CLEC6A: variants seen among roughly 807,000 people sequenced by gnomAD.
CLEC6A encodes the protein C-type lectin domain family 6 member A.
CLEC6A carries 22 observed loss-of-function variants against 25.7 expected under a neutral mutation model. That is an observed-to-expected ratio of 0.85 (90% CI 0.61 to 1.22). The LOEUF (loss-of-function observed/expected upper bound fraction) is 1.22. Among genes scored for constraint, CLEC6A ranks in the 50% most tolerant of loss-of-function variants. The pLI is 0.00. For missense variants in CLEC6A, 240 were observed against 236.8 expected (o/e 1.01, Z -0.09); for synonymous variants, 92 against 76.7 (o/e 1.20, Z -1.04).
intron 4 of CLEC6A, among the ~76,000 whole-genome samples, chr12:8,472,128 A>G (rs574261337): frequency 4.3e-4 from 65 of 152,264 alleles, no homozygotes; most frequent in Non-Finnish European, 8.4e-4. Context: ...ACCTTCACCA[A>G]TCAGCCTGGG....
chr12:8,471,416 G>C (rs765130103), intron 4 of CLEC6A, among the ~76,000 whole-genome samples: 1 of 151,874 alleles, frequency 6.6e-6, no homozygotes, highest in African/African-American at 2.4e-5. Flanking sequence ...TCTGATTCTG[G>C]GCTTTTTTTT....
chr12:8,456,172 TG>T (rs1565480697), intron 1 of CLEC6A, 30 bp downstream of exon 1: 1 of 1,607,414 alleles, frequency 6.2e-7, no homozygotes, highest in Admixed American at 1.7e-5. Flanking sequence ...CAGAGGAAAG[TG>T]GAAGTGTATG....
chr12:8,470,012 G>C (rs1299519719), intron 4 of CLEC6A, among the ~76,000 whole-genome samples: 1 of 152,164 alleles, frequency 6.6e-6, no homozygotes, highest in Non-Finnish European at 1.5e-5. Flanking sequence ...CAAAGTAGGA[G>C]AAAATCTTTG....
chr12:8,458,532 C>T (rs961318259), intron 2 of CLEC6A, among the ~76,000 whole-genome samples: 3 of 151,988 alleles, frequency 2.0e-5, no homozygotes, highest in African/African-American at 7.3e-5. Flanking sequence ...TTTTCCTCTC[C>T]GATTCACAAT....
chr12:8,463,123 GAACT>G (rs60703703), intron 3 of CLEC6A, among the ~76,000 whole-genome samples: 116,938 of 151,692 alleles, frequency 0.77, 45,500 homozygotes, highest in East Asian at 0.99. Flanking sequence ...CTATCCCCTT[GAACT>G]AAAATTTACA....
chr12:8,460,690 G>A (rs781348459), intron 3 of CLEC6A: 169 of 1,497,630 alleles, frequency 1.1e-4, no homozygotes, highest in Non-Finnish European at 1.4e-4. Context: ...TCTTCTGAGG[G>A]TCCGCTGCTG....
At chr12:8,474,262 G>A (rs1198019287) in intron 4 of CLEC6A, among the ~76,000 whole-genome samples, 3 of 152,090 alleles carry the variant, frequency 2.0e-5, no homozygotes, top group African/African-American at 7.2e-5. Context: ...GTGAAAGGTA[G>A]GGGTTCAGAT....
intron 3 of CLEC6A, among the ~76,000 whole-genome samples, chr12:8,461,783 G>A (rs1939758478): frequency 6.6e-6 from 1 of 152,160 alleles, no homozygotes; most frequent in Non-Finnish European, 1.5e-5. Flanking sequence ...CTCAGTTTTA[G>A]TCAGAGTGTG....
chr12:8,467,589 G>A (rs7962791), intron 4 of CLEC6A, among the ~76,000 whole-genome samples: 117,566 of 152,088 alleles, frequency 0.77, 45,905 homozygotes, highest in East Asian at 0.99. Context: ...TTCGATTACT[G>A]TAGCTTTGGA....
At chr12:8,474,154 T>A (rs1939941271) in intron 4 of CLEC6A, among the ~76,000 whole-genome samples, 1 of 152,186 alleles carries the variant, frequency 6.6e-6, no homozygotes, top group Admixed American at 6.5e-5. Context: ...CTGAGGCTGA[T>A]GTCCGGCATG....
At chr12:8,467,731 G>A (rs767472066) in intron 4 of CLEC6A, among the ~76,000 whole-genome samples, 28 of 152,142 alleles carry the variant, frequency 1.8e-4, no homozygotes, top group African/African-American at 6.5e-4. Flanking sequence ...AATAACATTG[G>A]GATTTTGGTA....
Position 8,456,016 on chromosome 12 carries a change from C to G in CLEC6A, c.-96C>G, listed in dbSNP as rs1939670482. On this transcript the variant is annotated 5_prime_UTR_variant, in exon 1 of 6. Transcript: ENST00000382073. Reference sequence around the variant, plus strand: ...GTGTGTAGCAGTTTGTCCCTGAGCTCTAGCTTCTTTAAATGAAGCTGAGTC... The same window carrying G: ...GTGTGTAGCAGTTTGTCCCTGAGCTGTAGCTTCTTTAAATGAAGCTGAGTC... The G allele has an allele frequency of 8.5e-7, 1 of 1,181,786 alleles. No homozygotes were observed. The highest frequency in any genetic ancestry group is 1.7e-5 in the Admixed American group (1 of 57,548). The allele number at this position is 1,181,786 out of a possible 1,614,324, so 73.2% of individuals were successfully genotyped here.
chr12:8,477,110 T>A (rs993944465), intron 5 of CLEC6A, among the ~76,000 whole-genome samples: 2 of 152,096 alleles, frequency 1.3e-5, no homozygotes, highest in African/African-American at 4.8e-5. Flanking sequence ...AACCATCTCA[T>A]AAAATTTTGC....
At chr12:8,460,548 C>T (rs984014235) in intron 3 of CLEC6A, 2 of 779,486 alleles carry the variant, frequency 2.6e-6, no homozygotes, top group Non-Finnish European at 4.3e-6. Context: ...GAGAACCAAA[C>T]CATATCAGTC....
chr12:8,473,593 G>GT (rs1417524712), intron 4 of CLEC6A, among the ~76,000 whole-genome samples: 1 of 152,090 alleles, frequency 6.6e-6, no homozygotes, highest in Non-Finnish European at 1.5e-5. Context: ...TATATACCTA[G>GT]TAATGGGATT....
At chr12:8,462,387 A>G (rs1205724436) in intron 3 of CLEC6A, among the ~76,000 whole-genome samples, 3 of 134,830 alleles carry the variant, frequency 2.2e-5, no homozygotes, top group Non-Finnish European at 4.8e-5. Context: ...TATAAGAGGA[A>G]GGCATGCCTC....
chr12:8,477,219 C>G (rs938689227), intron 5 of CLEC6A, 101 bp from the exon 6 acceptor site: 1 of 868,202 alleles, frequency 1.2e-6, no homozygotes. Flanking sequence ...GGAATGTTCT[C>G]TCTTCCTAAA....
intron 4 of CLEC6A, among the ~76,000 whole-genome samples, chr12:8,467,773 A>G (rs1238534713): frequency 6.6e-6 from 1 of 152,184 alleles, no homozygotes; most frequent in Non-Finnish European, 1.5e-5. Flanking sequence ...ATTGCATTTT[A>G]ACTATATTAA....
At position 8,478,127 on chromosome 12, in the gene CLEC6A, G is replaced by A. The variant is rs1203350989; in HGVS notation, c.*663G>A. 4.6e-5 allele frequency: 7 copies of A among 151,982 alleles called. No individual in the cohort carries two copies. In the East Asian group the frequency reaches 1.3e-3, roughly 29 times the overall value. 9.4% of individuals were successfully genotyped at this position (151,982 alleles called of 1,614,324 possible). ...TGTGTTAAGATCTCTCGCTGATTGG[G>A]AATTTGTCTATTTCTCATTTAAATT... On this transcript the variant is annotated 3_prime_UTR_variant, in exon 6 of 6. Coordinates refer to ENST00000382073, the MANE Select transcript of CLEC6A (RefSeq NM_001007033.2).
Sources: gnomAD v4.1 joint callset for allele counts (sites outside exome capture counted in the v4.1 genomes callset) on GRCh38, gnomAD v4.1.1 for gene constraint, MANE v1.5 for transcripts, NCBI Gene and HGNC (gene_info 2026-07-23, HGNC 2026-07-21) for gene names.